Variants in PDZRN4 observed in about 807,000 individuals in gnomAD.
The protein encoded by PDZRN4 is PDZ domain containing ring finger 4.
Under a neutral mutation model 99.0 loss-of-function variants are expected in PDZRN4, and 70 were observed. The observed-to-expected ratio is 0.71, with a 90% CI of 0.58 to 0.86. The LOEUF is 0.86. Among genes scored for constraint, PDZRN4 ranks in the 40% least tolerant of loss-of-function variants. PDZRN4 has a pLI of 0.00. For missense variants in PDZRN4, 1,474 were observed against 1,331.2 expected, an observed-to-expected ratio of 1.11 and a Z score of -1.67; for synonymous variants, 551 against 501.6, an observed-to-expected ratio of 1.10 and a Z score of -1.32.
intron 5 of PDZRN4, among the ~76,000 whole-genome samples, chr12:41,531,045 C>G (rs1340490029): frequency 6.6e-6 from 1 of 152,034 alleles, no homozygotes; most frequent in African/African-American, 2.4e-5. Flanking sequence ...ACAGGGTGCT[C>G]TATTTTAATT....
At chr12:41,273,496 A>G (rs1169343834) in intron 3 of PDZRN4, among the ~76,000 whole-genome samples, 1 of 152,134 alleles carries the variant, frequency 6.6e-6, no homozygotes, top group African/African-American at 2.4e-5. Flanking sequence ...AGAAACTACA[A>G]GTAGCCTTAA....
At chr12:41,254,481 A>G (rs980762792) in intron 3 of PDZRN4, among the ~76,000 whole-genome samples, 1 of 152,214 alleles carries the variant, frequency 6.6e-6, no homozygotes, top group Non-Finnish European at 1.5e-5. Flanking sequence ...AGTTTCTTAT[A>G]TAATTATGCG....
At chr12:41,404,560 A>T (rs1006210861) in intron 3 of PDZRN4, among the ~76,000 whole-genome samples, 1 of 152,178 alleles carries the variant, frequency 6.6e-6, no homozygotes, top group Admixed American at 6.5e-5. Flanking sequence ...AGGAATCACT[A>T]TTATTAAAAT....
intron 3 of PDZRN4, among the ~76,000 whole-genome samples, chr12:41,389,810 G>A (rs1952196482): frequency 6.6e-6 from 1 of 152,136 alleles, no homozygotes; most frequent in Admixed American, 6.5e-5. Flanking sequence ...AATGGAAGTT[G>A]GACTCACCTG....
At chr12:41,201,156 C>A (rs1950813479) in intron 3 of PDZRN4, among the ~76,000 whole-genome samples, 1 of 80,006 alleles carries the variant, frequency 1.2e-5, no homozygotes. Flanking sequence ...TCCTTACTTT[C>A]TTTGTGCAAT....
intron 3 of PDZRN4, among the ~76,000 whole-genome samples, chr12:41,384,494 A>G (rs1952151636): frequency 6.6e-6 from 1 of 152,198 alleles, no homozygotes; most frequent in African/African-American, 2.4e-5. Context: ...GTGCTGGATT[A>G]TTTTAAGTTG....
At chr12:41,386,954 C>T (rs1402948526) in intron 3 of PDZRN4, among the ~76,000 whole-genome samples, 2 of 152,114 alleles carry the variant, frequency 1.3e-5, no homozygotes, top group African/African-American at 2.4e-5. Flanking sequence ...CCCTTCTGTA[C>T]AACACTTACA....
intron 5 of PDZRN4, among the ~76,000 whole-genome samples, chr12:41,530,190 C>T (rs780799573): frequency 6.6e-6 from 1 of 152,204 alleles, no homozygotes; most frequent in African/African-American, 2.4e-5. Context: ...GTCTACCCAA[C>T]GCTCACGTTT....
chr12:41,472,536 A>G (rs980324819), intron 3 of PDZRN4, among the ~76,000 whole-genome samples: 3 of 152,150 alleles, frequency 2.0e-5, no homozygotes, highest in Non-Finnish European at 4.4e-5. Flanking sequence ...ATTGACAATA[A>G]TTGTGTATAC....
intron 3 of PDZRN4, among the ~76,000 whole-genome samples, chr12:41,255,674 A>C (rs1353506496): frequency 6.6e-6 from 1 of 152,166 alleles, no homozygotes; most frequent in Non-Finnish European, 1.5e-5. Flanking sequence ...ATTTAGAAAG[A>C]AAAGAGGTTT....
intron 4 of PDZRN4, among the ~76,000 whole-genome samples, chr12:41,507,493 T>C (rs897046946): frequency 6.6e-6 from 1 of 152,134 alleles, no homozygotes; most frequent in African/African-American, 2.4e-5. Context: ...ATCCGCTCTC[T>C]ACTTCATAAA....
At chr12:41,209,433 T>C (rs942006099) in intron 3 of PDZRN4, among the ~76,000 whole-genome samples, 1 of 151,944 alleles carries the variant, frequency 6.6e-6, no homozygotes. Flanking sequence ...GGCGTGTTGG[T>C]GTGCTGCACC....
intron 3 of PDZRN4, among the ~76,000 whole-genome samples, chr12:41,386,510 G>C (rs193256936): frequency 6.6e-6 from 1 of 152,278 alleles, no homozygotes; most frequent in East Asian, 1.9e-4. Context: ...CATGCTCATG[G>C]ATAGGAAGAA....
chr12:41,396,586 C>T (rs1359597992), intron 3 of PDZRN4, among the ~76,000 whole-genome samples: 3 of 152,136 alleles, frequency 2.0e-5, no homozygotes, highest in Non-Finnish European at 2.9e-5. Context: ...CTGTTTCAGG[C>T]TCAACGTCTC....
intron 5 of PDZRN4, among the ~76,000 whole-genome samples, chr12:41,552,360 A>G (rs1939073167): frequency 6.6e-6 from 1 of 152,152 alleles, no homozygotes; most frequent in Non-Finnish European, 1.5e-5. Context: ...GTATACATGT[A>G]TTTGATTTAT....
At chr12:41,319,237 ATGT>A in intron 3 of PDZRN4, among the ~76,000 whole-genome samples, 1 of 152,052 alleles carries the variant, frequency 6.6e-6, no homozygotes, top group African/African-American at 2.4e-5. Flanking sequence ...AGGTTTATTC[ATGT>A]TCTGTTGCTC....
At chr12:41,231,714 T>C (rs145653953) in intron 3 of PDZRN4, among the ~76,000 whole-genome samples, 1 of 152,256 alleles carries the variant, frequency 6.6e-6, no homozygotes, top group East Asian at 1.9e-4. Flanking sequence ...CTAACTTTGC[T>C]ATATGACAGT....
At chr12:41,268,696 C>A (rs947444829) in intron 3 of PDZRN4, among the ~76,000 whole-genome samples, 7 of 152,146 alleles carry the variant, frequency 4.6e-5, no homozygotes, top group Non-Finnish European at 7.4e-5. Flanking sequence ...ATACATCATT[C>A]TTTTCCAACA....
chr12:41,309,216 T>C (rs563734312), intron 3 of PDZRN4, among the ~76,000 whole-genome samples: 7 of 152,274 alleles, frequency 4.6e-5, no homozygotes, highest in African/African-American at 1.4e-4. Flanking sequence ...ACCGTCTCAG[T>C]CAGTTTTGTG....
Sources: allele counts gnomAD v4.1 joint callset (sites outside exome capture counted in the v4.1 genomes callset), GRCh38; gene constraint gnomAD v4.1.1; transcripts MANE v1.5; gene names NCBI Gene and HGNC (gene_info 2026-07-23, HGNC 2026-07-21).